ZRANB3: variants seen among roughly 807,000 people sequenced by gnomAD.
ZRANB3 encodes the protein DNA annealing helicase and endonuclease ZRANB3.
ZRANB3 carries 125 observed loss-of-function variants against 133.8 expected under a neutral mutation model. That is an observed-to-expected ratio of 0.93 (90% confidence interval 0.81 to 1.08). The LOEUF is 1.08. ZRANB3 is among the 50% of genes least tolerant of loss of function. The probability of loss-of-function intolerance (pLI) is 0.00; values close to 1 mark genes in which losing one functional copy is unlikely to be tolerated. For missense variants in ZRANB3, 1,229 were observed against 1,275.5 expected, an observed-to-expected ratio of 0.96 and a Z score of 0.56; for synonymous variants, 387 against 432.7, an observed-to-expected ratio of 0.89 and a Z score of 1.31.
chr2:135,476,616 G>A (rs1691508365), intron 2 of ZRANB3, among the ~76,000 whole-genome samples: 1 of 150,802 alleles, frequency 6.6e-6, no homozygotes, highest in Non-Finnish European at 1.5e-5. Flanking sequence ...TAAACACTAG[G>A]TAATTAAGTT....
intron 2 of ZRANB3, among the ~76,000 whole-genome samples, chr2:135,395,172 T>C (rs566235424): frequency 6.6e-6 from 1 of 152,062 alleles, no homozygotes; most frequent in South Asian, 2.1e-4. Context: ...AGGAACAGAA[T>C]AGAGAACCGA....
intron 2 of ZRANB3, among the ~76,000 whole-genome samples, chr2:135,471,088 A>G (rs929920476): frequency 6.8e-6 from 1 of 147,834 alleles, no homozygotes; most frequent in African/African-American, 2.6e-5. Context: ...GGGTTGAGCC[A>G]CTGCACCCGG....
Position 135,486,050 on chromosome 2 carries a change from G to C in ZRANB3, c.161+18279C>G, listed in dbSNP as rs376465730. 2.6e-5 allele frequency among the ~76,000 whole-genome samples: 4 copies of C among 152,174 alleles called. No individual in the cohort carries two copies. The South Asian group carries it at 8.3e-4, about 32-fold the overall frequency. On this transcript the variant is annotated intron_variant, in intron 2 of 20. Transcript: ENST00000264159. ...TATGGAGAGTGAAGGGTTTTACCTC[G>C]ACGATTGTTGATGGCTGCTGACTAA...
intron 8 of ZRANB3, among the ~76,000 whole-genome samples, chr2:135,290,133 C>G (rs919823210): frequency 6.6e-6 from 1 of 152,092 alleles, no homozygotes; most frequent in Admixed American, 6.6e-5. Flanking sequence ...GGTATAGTTT[C>G]AGTCCATTGA....
rs556598501 is a variant in ZRANB3, at chr2:135,198,145, A to T, written c.*2197T>A. ...ATCTGCACTTCCTTCTGCACTCAGG[A>T]TCTGCCACTTGCTCTGACACTTTCT... On this transcript the variant is annotated 3_prime_UTR_variant, in exon 21 of 21. Coordinates refer to ENST00000264159, the MANE Select transcript of ZRANB3 (RefSeq NM_032143.4). The T allele has an allele frequency of 2.0e-5, 3 of 152,128 alleles. No individual in the cohort carries two copies. Among genetic ancestry groups the T allele is most frequent in the African/African-American group, 7.2e-5 (3 of 41,400 alleles). 9.4% of individuals were successfully genotyped at this position (152,128 alleles called of 1,614,324 possible).
intron 8 of ZRANB3, among the ~76,000 whole-genome samples, chr2:135,295,672 T>C (rs1177384883): frequency 1.3e-5 from 2 of 152,248 alleles, no homozygotes; most frequent in African/African-American, 4.8e-5. Flanking sequence ...CTTCCTAGCC[T>C]CGATGGTCTT....
intron 10 of ZRANB3, among the ~76,000 whole-genome samples, chr2:135,270,481 C>T (rs528427617): frequency 6.6e-6 from 1 of 152,278 alleles, no homozygotes; most frequent in South Asian, 2.1e-4. Flanking sequence ...GTGCCCCATA[C>T]ATTATTAATT....
intron 6 of ZRANB3, among the ~76,000 whole-genome samples, chr2:135,330,087 A>C (rs186504752): frequency 3.3e-4 from 50 of 152,162 alleles, no homozygotes; most frequent in African/African-American, 1.1e-3. Flanking sequence ...ACTTCCAACA[A>C]TATGTTGAAT....
In ZRANB3 at chr2:135,271,748, T is replaced by C. The variant is rs1398440530; in HGVS notation, c.1206+20A>G. On this transcript the variant is annotated intron_variant, in intron 10 of 20. Coordinates refer to ENST00000264159, the MANE Select transcript of ZRANB3 (RefSeq NM_032143.4). The stretch of plus-strand genomic sequence containing the variant: ...TTTCAATGACATTTCATAACCAAAT[T>C]TAGACTTGAAATTTCTTACCTGGCC... The C allele has an allele frequency of 1.3e-6, 2 of 1,599,380 alleles. No individual in the cohort carries two copies. The highest frequency in any genetic ancestry group is 2.2e-5 in the East Asian group (1 of 44,814).
At chr2:135,473,499 C>T (rs1266246735) in intron 2 of ZRANB3, among the ~76,000 whole-genome samples, 1 of 150,588 alleles carries the variant, frequency 6.6e-6, no homozygotes, top group East Asian at 1.9e-4. Context: ...TATGAAAGGA[C>T]TCAGGTAATG....
At chr2:135,204,742 TTTATA>T (rs1032516502) in intron 19 of ZRANB3, among the ~76,000 whole-genome samples, 6 of 145,818 alleles carry the variant, frequency 4.1e-5, no homozygotes, top group South Asian at 2.1e-4. Flanking sequence ...TAAATATATA[TTTATA>T]TTATATATTT....
chr2:135,353,931 G>A (rs1685320450), intron 3 of ZRANB3, among the ~76,000 whole-genome samples: 1 of 152,086 alleles, frequency 6.6e-6, no homozygotes, highest in East Asian at 1.9e-4. Flanking sequence ...TTGGACCCAG[G>A]AAGTTGACGC....
At chr2:135,472,004 T>C (rs1166277862) in intron 2 of ZRANB3, among the ~76,000 whole-genome samples, 2 of 152,198 alleles carry the variant, frequency 1.3e-5, no homozygotes, top group Admixed American at 6.5e-5. Context: ...AAGGAAGGAA[T>C]GCAAAGTGAA....
chr2:135,347,294 C>CTTT (rs371254079), intron 5 of ZRANB3, among the ~76,000 whole-genome samples: 14 of 137,344 alleles, frequency 1.0e-4, no homozygotes, highest in African/African-American at 3.0e-4. Flanking sequence ...TTTCAGTTCT[C>CTTT]TTTTTTTTTT....
At chr2:135,461,787 T>C (rs1326997487) in intron 2 of ZRANB3, among the ~76,000 whole-genome samples, 2 of 152,200 alleles carry the variant, frequency 1.3e-5, no homozygotes, top group African/African-American at 4.8e-5. Context: ...GTTCTGCCAC[T>C]TTGTCTGAGA....
rs1053389296 is a variant in ZRANB3 at position 135,294,139 on chromosome 2, T to A, written c.967-18384A>T. 1.4e-4 allele frequency among the ~76,000 whole-genome samples: 22 copies of A among 152,248 alleles called. 1 individual carries two copies. Among genetic ancestry groups the A allele is most frequent in the Non-Finnish European group, 4.4e-5 (3 of 68,048 alleles). On this transcript the variant is annotated intron_variant, in intron 8 of 20. Transcript: ENST00000264159. Reference sequence around the variant, plus strand: ...TGAGTTAGGGAGGATTCCCTCTTTTTCTATTGATTGGAATAGTTTCAGAAG... The same window carrying A: ...TGAGTTAGGGAGGATTCCCTCTTTTACTATTGATTGGAATAGTTTCAGAAG...
chr2:135,384,974 G>T (rs1686896623), intron 3 of ZRANB3, among the ~76,000 whole-genome samples: 1 of 152,126 alleles, frequency 6.6e-6, no homozygotes, highest in Non-Finnish European at 1.5e-5. Context: ...ATTCAACATA[G>T]TGTTGGAAGT....
At chr2:135,467,985 T>C (rs570266661) in intron 2 of ZRANB3, among the ~76,000 whole-genome samples, 1 of 152,358 alleles carries the variant, frequency 6.6e-6, no homozygotes, top group African/African-American at 2.4e-5. Context: ...TTCTGCAGAA[T>C]TTATATTTTA....
chr2:135,363,965 A>G (rs577595671), intron 3 of ZRANB3, among the ~76,000 whole-genome samples: 200 of 152,206 alleles, frequency 1.3e-3, no homozygotes, highest in African/African-American at 4.7e-3. Context: ...AGTCATAACT[A>G]CTGGGGAGGC....
Sources: allele counts gnomAD v4.1 joint callset (sites outside exome capture counted in the v4.1 genomes callset), GRCh38; gene constraint gnomAD v4.1.1; transcripts MANE v1.5; gene names NCBI Gene and HGNC (gene_info 2026-07-23, HGNC 2026-07-21).